ACSBG1: variants seen among roughly 807,000 people sequenced by gnomAD.
ACSBG1 encodes acyl-CoA synthetase bubblegum family member 1.
A neutral mutation model predicts 80.2 loss-of-function variants in ACSBG1; 39 were observed. That is an observed-to-expected ratio of 0.49 (90% CI 0.38 to 0.64). The LOEUF is 0.64. Among genes scored for constraint, ACSBG1 ranks in the 30% least tolerant of loss-of-function variants. ACSBG1 has a pLI of 0.00. For synonymous variants in ACSBG1, 392 were observed against 379.5 expected, an observed-to-expected ratio of 1.03 and a Z score of -0.38; for missense variants, 828 against 966.4, an observed-to-expected ratio of 0.86 and a Z score of 1.90.
rs190092896 is a variant in ACSBG1, at chr15:78,227,630, T to C, written c.131+6741A>G. ...TCTTCTGATCCAGTAATTCTATTCC[T>C]AGGGATTTACCCAAGAAAATGAGAA... On this transcript the variant is annotated intron_variant, in intron 1 of 13. Coordinates refer to ENST00000258873, the MANE Select transcript of ACSBG1 (RefSeq NM_015162.5). Among the ~76,000 whole-genome samples the C allele has an allele frequency of 2.7e-4, 41 of 152,316 alleles. No individual in the cohort carries two copies. The East Asian group carries it at 7.5e-3, about 28-fold the overall frequency.
chr15:78,207,917 T>TCCCCCCCCCCCCCCCCCCCCC, intron 2 of ACSBG1, 85 bp downstream of exon 2: 3 of 876,064 alleles, frequency 3.4e-6, no homozygotes. Context: ...TGTGTGGTGG[T>TCCCCCCCCCCCCCCCCCCCCC]CCCCCACACC....
intron 1 of ACSBG1, chr15:78,212,868 T>G (rs1422090576): frequency 1.3e-5 from 3 of 237,584 alleles, no homozygotes; most frequent in Non-Finnish European, 2.6e-5. Context: ...CCAAACACCC[T>G]CAGAATCAAT....
At chr15:78,195,594 G>A (rs2141350444) in intron 2 of ACSBG1, among the ~76,000 whole-genome samples, 1 of 152,288 alleles carries the variant, frequency 6.6e-6, no homozygotes, top group African/African-American at 2.4e-5. Context: ...TCAGTTCTCA[G>A]GGTGGACATG....
intron 10 of ACSBG1, 197 bp from the exon 11 acceptor site, chr15:78,179,028 G>T: frequency 1.7e-6 from 1 of 581,508 alleles, no homozygotes; most frequent in Non-Finnish European, 3.0e-6. Context: ...AAGGAAGGAA[G>T]GAACAAATGA....
At chr15:78,203,381 A>G (rs1280315915) in intron 2 of ACSBG1, among the ~76,000 whole-genome samples, 1 of 152,250 alleles carries the variant, frequency 6.6e-6, no homozygotes, top group Non-Finnish European at 1.5e-5. Flanking sequence ...TCTACAGCGC[A>G]GTGGAGAACC....
chr15:78,212,299 T>C (rs61414053), intron 1 of ACSBG1, among the ~76,000 whole-genome samples: 6,781 of 152,220 alleles, frequency 0.045, 312 homozygotes, highest in East Asian at 0.12. Context: ...CTGTGGCTAC[T>C]GCAAGGAGAA....
At position 78,231,351 on chromosome 15, in the gene ACSBG1, G is replaced by A. The variant is rs1028979592; in HGVS notation, c.131+3020C>T. Among the ~76,000 whole-genome samples, 3 of 151,538 alleles carry A rather than the reference G, an allele frequency of 2.0e-5. No individual in the cohort carries two copies. In the South Asian group the frequency reaches 6.2e-4, roughly 32 times the overall value. On this transcript the variant is annotated intron_variant, in intron 1 of 13. Coordinates refer to ENST00000258873, the MANE Select transcript of ACSBG1 (RefSeq NM_015162.5). The stretch of plus-strand genomic sequence containing the variant: ...TCTCCATGTGGGTCAGGCTGGTCTC[G>A]AACTCCTGACCTCAGGTGATCTGCC...
chr15:78,231,397 C>T (rs1014801397), intron 1 of ACSBG1, among the ~76,000 whole-genome samples: 3 of 151,866 alleles, frequency 2.0e-5, no homozygotes, highest in South Asian at 2.1e-4. Context: ...TCCCAAAGTA[C>T]GGGGATTACA....
At chr15:78,215,513 G>A (rs369071994) in intron 1 of ACSBG1, among the ~76,000 whole-genome samples, 8 of 152,040 alleles carry the variant, frequency 5.3e-5, no homozygotes, top group East Asian at 3.9e-4. Flanking sequence ...AAAATTAGCT[G>A]GGCGTGGTGG....
intron 1 of ACSBG1, 34 bp from the exon 2 acceptor site, chr15:78,208,136 T>C (rs2075233677): frequency 1.3e-6 from 2 of 1,569,176 alleles, no homozygotes; most frequent in Non-Finnish European, 1.7e-6. Context: ...AAAACATTCA[T>C]TAGAACGTGG....
chr15:78,194,759 T>G (rs1439848788), intron 2 of ACSBG1, 33 bp from the exon 3 acceptor site: 14 of 1,600,346 alleles, frequency 8.7e-6, no homozygotes, highest in Non-Finnish European at 1.2e-5. Flanking sequence ...GCTTGGATCA[T>G]GCCAGCCTGG....
At chr15:78,190,453 C>A (rs1313707814) in intron 5 of ACSBG1, among the ~76,000 whole-genome samples, 2 of 147,778 alleles carry the variant, frequency 1.4e-5, no homozygotes, top group African/African-American at 5.0e-5. Flanking sequence ...TGCCTGTAGT[C>A]CCAGCTACTT....
rs1427456373 is a variant in ACSBG1 at position 78,234,547 on chromosome 15, A to G, written c.-46T>C. 1.4e-6 allele frequency: 2 copies of G among 1,396,938 alleles called. No homozygotes were observed. Among genetic ancestry groups the G allele is most frequent in the African/African-American group, 2.9e-5 (2 of 68,902 alleles). 86.5% of individuals were successfully genotyped at this position (1,396,938 alleles called of 1,614,324 possible). A position where few individuals can be genotyped will look rare whatever the true frequency, so the allele number is the denominator to read the frequency against. ...AGACAGCTCAGTCACCCACTGAGAGAGGCTAGCCTTGAGTGAGCAGTGGGG... is the reference window on the plus strand; with the variant it reads ...AGACAGCTCAGTCACCCACTGAGAGGGGCTAGCCTTGAGTGAGCAGTGGGG... On this transcript the variant is annotated 5_prime_UTR_variant, in exon 1 of 14. Coordinates refer to ENST00000258873, the MANE Select transcript of ACSBG1 (RefSeq NM_015162.5).
Position 78,207,991 on chromosome 15 carries a change from A to T in ACSBG1, c.232+11T>A. 1.5e-6 allele frequency: 1 copy of T among 648,266 alleles called. No homozygotes were observed. Among genetic ancestry groups the T allele is most frequent in the Non-Finnish European group, 2.5e-6 (1 of 399,400 alleles). 40.2% of individuals were successfully genotyped at this position (648,266 alleles called of 1,614,324 possible). The stretch of plus-strand genomic sequence containing the variant: ...CGCCCTGCCCCACCCTACCACCCCC[A>T]GCTGGCTTACCTGGAGCATCCCACT... On this transcript the variant is annotated intron_variant, in intron 2 of 13. Transcript: ENST00000258873.
rs1361840696 is a variant in ACSBG1, at chr15:78,177,128, CAT to C, written c.1702+1484_1702+1485del. 5.9e-5 allele frequency among the ~76,000 whole-genome samples: 9 copies of C among 152,106 alleles called. No individual in the cohort carries two copies. In the South Asian group the frequency reaches 1.5e-3, roughly 25 times the overall value. On this transcript the variant is annotated intron_variant, in intron 11 of 13. Coordinates refer to ENST00000258873, the MANE Select transcript of ACSBG1 (RefSeq NM_015162.5). The surrounding 1 kb of genome is among the most constrained non-coding windows in gnomAD (Gnocchi z 4.1). ...AAATTCCACCCAGTTTTTGAGGAAACATATAATGATTCTAAAATTCATATGGA... is the reference window on the plus strand; with the variant it reads ...AAATTCCACCCAGTTTTTGAGGAAACATAATGATTCTAAAATTCATATGGA...
chr15:78,194,156 C>T, intron 3 of ACSBG1, 136 bp from the exon 4 acceptor site: 1 of 835,488 alleles, frequency 1.2e-6, no homozygotes, highest in East Asian at 2.7e-5. Flanking sequence ...AGAGAATCCC[C>T]TTGGAGGAGA....
At chr15:78,217,065 G>C (rs1238670035) in intron 1 of ACSBG1, among the ~76,000 whole-genome samples, 1 of 152,182 alleles carries the variant, frequency 6.6e-6, no homozygotes, top group Non-Finnish European at 1.5e-5. Context: ...TTCTATCTGT[G>C]ACTGGTCATC....
At chr15:78,210,767 C>A (rs897302093) in intron 1 of ACSBG1, among the ~76,000 whole-genome samples, 3 of 152,192 alleles carry the variant, frequency 2.0e-5, no homozygotes, top group Admixed American at 6.5e-5. Flanking sequence ...GACAGCACCA[C>A]AAAACCTGGC....
intron 1 of ACSBG1, chr15:78,209,213 A>G (rs1054558401): frequency 8.8e-6 from 4 of 456,102 alleles, no homozygotes; most frequent in African/African-American, 8.0e-5. Context: ...GTTTGTGAAC[A>G]CACCTAGGCC....
Sources: gnomAD v4.1 joint callset for allele counts (sites outside exome capture counted in the v4.1 genomes callset) on GRCh38, gnomAD v4.1.1 for gene constraint, Gnocchi (gnomAD v3.1) non-coding constraint, MANE v1.5 for transcripts, NCBI Gene and HGNC (gene_info 2026-07-23, HGNC 2026-07-21) for gene names.